Variants in TMED8 observed in about 807,000 individuals in gnomAD.
TMED8 encodes the protein transmembrane p24 trafficking protein family member 8, also known as protein TMED8.
In TMED8, 15 loss-of-function variants were observed where a neutral mutation model predicts 32.7. The ratio of observed to expected loss-of-function variants is 0.46; its 90% CI spans 0.31 to 0.71. The LOEUF is 0.71. Ranked by LOEUF, TMED8 falls within the 30% of genes least tolerant of loss-of-function variation. The probability of loss-of-function intolerance (pLI) is 0.06; values close to 1 mark genes in which losing one functional copy is unlikely to be tolerated. For missense variants in TMED8, 390 were observed against 423.9 expected (o/e 0.92, Z 0.70); for synonymous variants, 147 against 161.4 (o/e 0.91, Z 0.68).
chr14:77,346,772 T>TG (rs1893054992), intron 2 of TMED8, among the ~76,000 whole-genome samples: 1 of 139,994 alleles, frequency 7.1e-6, no homozygotes. Flanking sequence ...TTTTTTTTTT[T>TG]TTTTTTTTTT....
chr14:77,346,823 A>C (rs1464499904), intron 2 of TMED8, among the ~76,000 whole-genome samples: 1 of 138,542 alleles, frequency 7.2e-6, no homozygotes, highest in Non-Finnish European at 1.5e-5. Context: ...TTTAGTTGAC[A>C]AAGTGTATAT....
intron 1 of TMED8, among the ~76,000 whole-genome samples, chr14:77,367,695 CT>C (rs769529439): frequency 2.9e-3 from 413 of 144,676 alleles, no homozygotes; most frequent in African/African-American, 6.5e-3. Flanking sequence ...AACTTTCTTT[CT>C]TTTTTTTTTT....
intron 1 of TMED8, among the ~76,000 whole-genome samples, chr14:77,366,183 T>C (rs1187954649): frequency 1.3e-5 from 2 of 152,212 alleles, no homozygotes; most frequent in Non-Finnish European, 2.9e-5. Flanking sequence ...ACAAGTATAT[T>C]TGCAAGTTAT....
rs1217704571 is a variant in TMED8 at position 77,376,547 on chromosome 14, G to A, written c.118+389C>T. The stretch of plus-strand genomic sequence containing the variant: ...ATGGGGATAGGGTGGGGAGCCAGAA[G>A]CAGGGGGCGGCGAGGCCAGTAGGGT... On this transcript the variant is annotated intron_variant, in intron 1 of 5. Transcript: ENST00000216468. This position sits in a 1 kb window ranked among gnomAD's most constrained non-coding sequence, Gnocchi z 4.0. 1.3e-5 allele frequency: 2 copies of A among 155,560 alleles called. No individual in the cohort carries two copies. The highest frequency in any genetic ancestry group is 2.8e-5 in the Non-Finnish European group (2 of 70,414). 9.6% of individuals were successfully genotyped at this position (155,560 alleles called of 1,614,324 possible). A position where few individuals can be genotyped will look rare whatever the true frequency, so the allele number is the denominator to read the frequency against.
chr14:77,352,437 A>G (rs1893200896), intron 1 of TMED8, among the ~76,000 whole-genome samples: 1 of 150,514 alleles, frequency 6.6e-6, no homozygotes, highest in Non-Finnish European at 1.5e-5. Context: ...AATAAATTTT[A>G]AAAATTAAAA....
At chr14:77,361,525 C>G (rs1428201322) in intron 1 of TMED8, among the ~76,000 whole-genome samples, 1 of 152,050 alleles carries the variant, frequency 6.6e-6, no homozygotes. Flanking sequence ...TGTTTTCTTT[C>G]TTAGGATTGC....
At chr14:77,358,206 A>AAT (rs1404483006) in intron 1 of TMED8, among the ~76,000 whole-genome samples, 6 of 147,978 alleles carry the variant, frequency 4.1e-5, no homozygotes, top group Non-Finnish European at 6.0e-5. Context: ...CACACACACG[A>AAT]ATATATATAT....
Position 77,343,393 on chromosome 14 carries a change from C to G in TMED8, c.545G>C (p.Arg182Pro). The G allele has an allele frequency of 6.2e-7, 1 of 1,614,104 alleles. No homozygotes were observed. Among genetic ancestry groups the G allele is most frequent in the Non-Finnish European group, 8.5e-7 (1 of 1,179,992 alleles). Residue 182 changes from arginine (R) to proline (P), a missense_variant, in exon 5 of 6, where the codon CGT becomes CCT. Coordinates refer to ENST00000216468, the MANE Select transcript of TMED8 (RefSeq NM_213601.3). ...KSKLGKEKNS[R>P]LVVKRGEVVT... ...CACCTCACCACGCTTCACCACCAGA[C>G]GGCTGTTCTTCTCTTTGCCCAGCTT...
At position 77,339,844 on chromosome 14, in the gene TMED8, G is replaced by A. The variant is rs1892851555; in HGVS notation, c.*1927C>T. On this transcript the variant is annotated 3_prime_UTR_variant, in exon 6 of 6. Coordinates refer to ENST00000216468, the MANE Select transcript of TMED8 (RefSeq NM_213601.3). ...TCCCCAACATCCTATCCCACTTGGG[G>A]CTTTGCTCCGAGGGGAAGAGCAGGT... is the stretch of plus-strand genomic sequence containing the variant. 6.6e-6 allele frequency: 1 copy of A among 152,234 alleles called. No homozygotes were observed. Among genetic ancestry groups the A allele is most frequent in the Non-Finnish European group, 1.5e-5 (1 of 68,044 alleles). 9.4% of individuals were successfully genotyped at this position (152,234 alleles called of 1,614,324 possible). A position where few individuals can be genotyped will look rare whatever the true frequency, so the allele number is the denominator to read the frequency against.
Position 77,376,796 on chromosome 14 carries a change from G to C in TMED8, c.118+140C>G. On this transcript the variant is annotated intron_variant, in intron 1 of 5. Transcript: ENST00000216468. This position sits in a 1 kb window ranked among gnomAD's most constrained non-coding sequence, Gnocchi z 4.0. ...CCGGGTGGTGGCAGCGGCGGGGAAGGGGCCCCGCGCGCGAAGGGGCTGCCG... is the reference window on the plus strand; with the variant it reads ...CCGGGTGGTGGCAGCGGCGGGGAAGCGGCCCCGCGCGCGAAGGGGCTGCCG... The C allele has an allele frequency of 2.5e-6, 1 of 407,098 alleles. No homozygotes were observed. Among genetic ancestry groups the C allele is most frequent in the Non-Finnish European group, 4.1e-6 (1 of 241,426 alleles). 25.2% of individuals were successfully genotyped at this position (407,098 alleles called of 1,614,324 possible).
At position 77,339,413 on chromosome 14, in the gene TMED8, G is replaced by C. The variant is rs1330689025; in HGVS notation, c.*2358C>G. Reference sequence around the variant, plus strand: ...ACTAGGATTCCAAAGAAAATAAGCAGAGAATCTCATGGTGAAAATAAATAA... The same window carrying C: ...ACTAGGATTCCAAAGAAAATAAGCACAGAATCTCATGGTGAAAATAAATAA... On this transcript the variant is annotated 3_prime_UTR_variant, in exon 6 of 6. Transcript: ENST00000216468. 3 of 152,184 alleles carry C rather than the reference G, an allele frequency of 2.0e-5. No homozygotes were observed. The highest frequency in any genetic ancestry group is 2.0e-4 in the Admixed American group (3 of 15,282). The allele number at this position is 152,184 out of a possible 1,614,324, so 9.4% of individuals were successfully genotyped here. A position where few individuals can be genotyped will look rare whatever the true frequency, so the allele number is the denominator to read the frequency against.
At chr14:77,358,206 AAT>A (rs1404483006) in intron 1 of TMED8, among the ~76,000 whole-genome samples, 1 of 147,976 alleles carries the variant, frequency 6.8e-6, no homozygotes, top group Non-Finnish European at 1.5e-5. Context: ...CACACACACG[AAT>A]ATATATATAT....
intron 1 of TMED8, among the ~76,000 whole-genome samples, chr14:77,372,707 T>C (rs1893699357): frequency 6.6e-6 from 1 of 151,536 alleles, no homozygotes; most frequent in Non-Finnish European, 1.5e-5. Context: ...ATCGACTATC[T>C]GGACACTAAA....
intron 2 of TMED8, 126 bp downstream of exon 2, chr14:77,351,547 C>T: frequency 1.2e-6 from 1 of 825,544 alleles, no homozygotes; most frequent in Non-Finnish European, 1.9e-6. Context: ...AGGCGTGAGC[C>T]ACTGCGCCCG....
At chr14:77,353,287 C>T (rs1402874401) in intron 1 of TMED8, among the ~76,000 whole-genome samples, 2 of 152,172 alleles carry the variant, frequency 1.3e-5, no homozygotes, top group Non-Finnish European at 2.9e-5. Flanking sequence ...CTTCTCAATA[C>T]AAAATGCAAC....
intron 1 of TMED8, among the ~76,000 whole-genome samples, chr14:77,367,255 A>C (rs1255434160): frequency 6.7e-6 from 1 of 149,956 alleles, no homozygotes; most frequent in African/African-American, 2.4e-5. Context: ...AAAAAAAAAA[A>C]AAAAAAAAAA....
chr14:77,369,368 A>C (rs1157874133), intron 1 of TMED8, among the ~76,000 whole-genome samples: 1 of 152,228 alleles, frequency 6.6e-6, no homozygotes, highest in Non-Finnish European at 1.5e-5. Flanking sequence ...TTTTAGAACC[A>C]GCTTGTCAAA....
rs1892752002 is a variant in TMED8 at position 77,336,022 on chromosome 14, G to A, written c.*5749C>T. ...AGGAACATTACACATTCAACCCTGAGTGATGAAGAGAGTTCAGGAAGAGAG... is the reference window on the plus strand; with the variant it reads ...AGGAACATTACACATTCAACCCTGAATGATGAAGAGAGTTCAGGAAGAGAG... On this transcript the variant is annotated 3_prime_UTR_variant, in exon 6 of 6. Coordinates refer to ENST00000216468, the MANE Select transcript of TMED8 (RefSeq NM_213601.3). 1.3e-5 allele frequency: 2 copies of A among 152,200 alleles called. No homozygotes were observed. The highest frequency in any genetic ancestry group is 1.3e-4 in the Admixed American group (2 of 15,278). The allele number at this position is 152,200 out of a possible 1,614,324, so 9.4% of individuals were successfully genotyped here. A position where few individuals can be genotyped will look rare whatever the true frequency, so the allele number is the denominator to read the frequency against.
intron 1 of TMED8, among the ~76,000 whole-genome samples, chr14:77,366,773 T>C (rs890613759): frequency 1.1e-4 from 16 of 152,204 alleles, no homozygotes; most frequent in African/African-American, 3.9e-4. Flanking sequence ...CACTGAATTA[T>C]AGAACCACTG....
Sources: allele counts gnomAD v4.1 joint callset (sites outside exome capture counted in the v4.1 genomes callset), GRCh38; gene constraint gnomAD v4.1.1; non-coding constraint Gnocchi (gnomAD v3.1); transcripts MANE v1.5; gene names NCBI Gene and HGNC (gene_info 2026-07-23, HGNC 2026-07-21).